SLC2A9: variants seen among roughly 807,000 people sequenced by gnomAD.
SLC2A9 encodes solute carrier family 2, facilitated glucose transporter member 9.
SLC2A9 carries 39 observed loss-of-function variants against 50.6 expected under a neutral mutation model. The ratio of observed to expected loss-of-function variants is 0.77; its 90% CI spans 0.60 to 1.01. SLC2A9 has a LOEUF of 1.01. Ranked by LOEUF, SLC2A9 falls within the 50% of genes least tolerant of loss-of-function variation. The probability of loss-of-function intolerance (pLI) is 0.00; values close to 1 mark genes in which losing one functional copy is unlikely to be tolerated. For missense variants in SLC2A9, 686 were observed against 677.6 expected, an observed-to-expected ratio of 1.01 and a Z score of -0.14; for synonymous variants, 324 against 276.9, an observed-to-expected ratio of 1.17 and a Z score of -1.69.
intron 3 of SLC2A9, among the ~76,000 whole-genome samples, chr4:9,816,026 C>T (rs1407604708): frequency 3.3e-5 from 5 of 151,856 alleles, no homozygotes; most frequent in Non-Finnish European, 7.4e-5. Flanking sequence ...AAAAATTAGC[C>T]GGGCATGGTG....
chr4:9,802,197 T>C (rs569542703), intron 3 of SLC2A9, among the ~76,000 whole-genome samples: 7 of 152,236 alleles, frequency 4.6e-5, no homozygotes, highest in African/African-American at 1.7e-4. Flanking sequence ...GGGATGTATG[T>C]GTACATATTT....
chr4:9,806,967 C>A (rs1160777069), intron 3 of SLC2A9, among the ~76,000 whole-genome samples: 5 of 152,178 alleles, frequency 3.3e-5, no homozygotes, highest in Non-Finnish European at 7.3e-5. Context: ...CCTCCTGAGT[C>A]CCCTTCTCAG....
intron 3 of SLC2A9, among the ~76,000 whole-genome samples, chr4:9,791,126 CCAAG>C (rs147674632): frequency 1.8e-3 from 269 of 152,202 alleles, no homozygotes; most frequent in African/African-American, 6.3e-3. Context: ...ATTCAGTGGG[CCAAG>C]CTGTATGTAA....
intron 3 of SLC2A9, among the ~76,000 whole-genome samples, chr4:9,811,245 C>T (rs950481989): frequency 6.6e-6 from 1 of 152,252 alleles, no homozygotes; most frequent in Non-Finnish European, 1.5e-5. Context: ...AGTAACTCCT[C>T]ATCCTGCATG....
chr4:9,957,897 A>G (rs1455680705), intron 5 of SLC2A9, among the ~76,000 whole-genome samples: 3 of 152,218 alleles, frequency 2.0e-5, no homozygotes, highest in African/African-American at 7.2e-5. Flanking sequence ...CAAAGAAGTA[A>G]CATAATGATC....
chr4:9,906,657 T>G (rs1357876693), intron 8 of SLC2A9, among the ~76,000 whole-genome samples: 10 of 152,196 alleles, frequency 6.6e-5, no homozygotes, highest in Non-Finnish European at 4.4e-5. Context: ...TTTTCCGAAT[T>G]TTACAAATTT....
At chr4:9,849,043 G>T (rs533283115) in intron 10 of SLC2A9, among the ~76,000 whole-genome samples, 1 of 152,168 alleles carries the variant, frequency 6.6e-6, no homozygotes, top group African/African-American at 2.4e-5. Context: ...GGCTAACCAG[G>T]GTGCACGTTC....
chr4:9,876,224 T>C (rs1266539455), intron 10 of SLC2A9, among the ~76,000 whole-genome samples: 1 of 152,212 alleles, frequency 6.6e-6, no homozygotes, highest in East Asian at 1.9e-4. Flanking sequence ...AGCTTCCCAC[T>C]GTTGTTCGTC....
At chr4:9,820,496 T>G (rs1245029878) in intron 3 of SLC2A9, among the ~76,000 whole-genome samples, 1 of 152,256 alleles carries the variant, frequency 6.6e-6, no homozygotes, top group Non-Finnish European at 1.5e-5. Flanking sequence ...GGATTTTGAT[T>G]GAGATTGTGG....
At chr4:9,970,153 C>A (rs1365457428) in intron 5 of SLC2A9, among the ~76,000 whole-genome samples, 1 of 152,110 alleles carries the variant, frequency 6.6e-6, no homozygotes, top group African/African-American at 2.4e-5. Flanking sequence ...ATAATATAGG[C>A]CATGGGGGAT....
At chr4:9,828,510 C>A (rs189277280) in intron 11 of SLC2A9, among the ~76,000 whole-genome samples, 62 of 152,328 alleles carry the variant, frequency 4.1e-4, no homozygotes, top group African/African-American at 1.3e-3. Flanking sequence ...AGGCCACCGA[C>A]CATGTGTCCC....
chr4:9,923,258 T>C (rs1172413868), intron 6 of SLC2A9, among the ~76,000 whole-genome samples: 3 of 152,202 alleles, frequency 2.0e-5, no homozygotes, highest in African/African-American at 4.8e-5. Flanking sequence ...GTAAGGTACA[T>C]GGATGTGCTT....
chr4:9,959,454 A>G (rs1007378766), intron 5 of SLC2A9, among the ~76,000 whole-genome samples: 12 of 152,068 alleles, frequency 7.9e-5, no homozygotes, highest in African/African-American at 2.7e-4. Flanking sequence ...TCAATCTTAG[A>G]CATCAATGGA....
chr4:9,850,680 C>T (rs1729739734), intron 10 of SLC2A9, among the ~76,000 whole-genome samples: 1 of 152,150 alleles, frequency 6.6e-6, no homozygotes, highest in East Asian at 1.9e-4. Flanking sequence ...ACCGCAGCCT[C>T]CCTTCACTGG....
At chr4:9,795,151 C>T (rs1720446472), downstream of SLC2A9, among the ~76,000 whole-genome samples, 2 of 151,788 alleles carry the variant, frequency 1.3e-5, no homozygotes, top group Non-Finnish European at 2.9e-5. Flanking sequence ...GCTGGGACTA[C>T]AGGTGCACGC....
At chr4:9,814,448 A>G (rs933183498) in intron 3 of SLC2A9, among the ~76,000 whole-genome samples, 1 of 152,258 alleles carries the variant, frequency 6.6e-6, no homozygotes, top group Admixed American at 6.5e-5. Context: ...TGAGAAAAAC[A>G]TGGCCAGAAA....
At chr4:10,008,269 G>A (rs542515729) in intron 2 of SLC2A9, among the ~76,000 whole-genome samples, 4 of 152,310 alleles carry the variant, frequency 2.6e-5, no homozygotes, top group South Asian at 2.1e-4. Context: ...AGCTCTAATC[G>A]CTGGGACCTC....
intron 5 of SLC2A9, among the ~76,000 whole-genome samples, chr4:9,974,187 CA>C (rs1328895622): frequency 6.6e-6 from 1 of 152,140 alleles, no homozygotes; most frequent in Non-Finnish European, 1.5e-5. Flanking sequence ...TCATACTGAA[CA>C]GGCAAAAGCT....
intron 10 of SLC2A9, among the ~76,000 whole-genome samples, chr4:9,861,298 C>T (rs1304959747): frequency 2.0e-5 from 3 of 151,964 alleles, no homozygotes; most frequent in South Asian, 2.1e-4. Context: ...GGAGGTACCA[C>T]ACACTTTTAA....
Sources: gnomAD v4.1 joint callset for allele counts (sites outside exome capture counted in the v4.1 genomes callset) on GRCh38, gnomAD v4.1.1 for gene constraint, MANE v1.5 for transcripts, NCBI Gene and HGNC (gene_info 2026-07-23, HGNC 2026-07-21) for gene names.